Variants in INSL6 observed in about 807,000 individuals in gnomAD.
INSL6 encodes the protein insulin-like peptide INSL6.
In INSL6, 16 loss-of-function variants were observed where a neutral mutation model predicts 9.4. That is an observed-to-expected ratio of 1.70 (90% CI 1.15 to 2.59). INSL6 has a LOEUF of 2.59. INSL6 is among the 30% of genes most tolerant of loss of function. INSL6 has a pLI of 0.00. For missense variants in INSL6, 391 were observed against 257.3 expected, an observed-to-expected ratio of 1.52 and a Z score of -3.56; for synonymous variants, 154 against 96.9, an observed-to-expected ratio of 1.59 and a Z score of -3.46.
At chr9:5,022,079 C>G in the INSL6 span, 3 of 1,613,914 alleles carry the variant, frequency 1.9e-6, no homozygotes, top group Non-Finnish European at 2.5e-6. Context: ...AATGCCAATT[C>G]TATGAAGCAA....
chr9:5,074,643 C>T, the INSL6 span, among the ~76,000 whole-genome samples: 2 of 152,280 alleles, frequency 1.3e-5, no homozygotes, highest in East Asian at 3.9e-4. Context: ...CCTGGGGCCT[C>T]CCTATTCCCT....
chr9:5,160,433 C>T (rs1343246820), downstream of INSL6, among the ~76,000 whole-genome samples: 3 of 151,922 alleles, frequency 2.0e-5, no homozygotes, highest in African/African-American at 7.3e-5. Context: ...AAAACCTATG[C>T]GATACAGGGA....
chr9:5,110,919 C>G, the INSL6 span: 1 of 568,610 alleles, frequency 1.8e-6, no homozygotes, highest in Non-Finnish European at 3.3e-6. Context: ...AGAGAATGAA[C>G]CAGCCGCAGA....
chr9:5,059,151 C>G, the INSL6 span, among the ~76,000 whole-genome samples: 1 of 152,142 alleles, frequency 6.6e-6, no homozygotes, highest in Non-Finnish European at 1.5e-5. Flanking sequence ...ATTTGTACAT[C>G]TTTGTAGCCA....
chr9:5,126,386 T>C (rs763925198), intron 3 of INSL6: 6 of 1,610,988 alleles, frequency 3.7e-6, no homozygotes, highest in Middle Eastern at 3.3e-4. Flanking sequence ...TCGTGTTCCA[T>C]TTGATAGAAC....
the INSL6 span, chr9:5,085,380 T>G: frequency 1.1e-6 from 1 of 900,610 alleles, no homozygotes; most frequent in South Asian, 1.3e-5. Flanking sequence ...CATGCACCAC[T>G]GGGTCGGGGC....
At chr9:5,006,651 C>T in the INSL6 span, among the ~76,000 whole-genome samples, 6 of 152,062 alleles carry the variant, frequency 3.9e-5, no homozygotes, top group Admixed American at 6.5e-5. Flanking sequence ...CAGCAAAGGA[C>T]GACATGCTGC....
At chr9:5,043,588 T>C in the INSL6 span, among the ~76,000 whole-genome samples, 1 of 152,242 alleles carries the variant, frequency 6.6e-6, no homozygotes, top group Admixed American at 6.5e-5. Context: ...TCAGCAATTC[T>C]ACTTCTAGAT....
the INSL6 span, among the ~76,000 whole-genome samples, chr9:5,001,180 G>A: frequency 3.9e-5 from 6 of 152,054 alleles, no homozygotes; most frequent in Admixed American, 2.0e-4. Context: ...CAATCTCTAT[G>A]TCTTTTATTT....
At chr9:5,129,990 G>A (rs1186163366) in intron 3 of INSL6, among the ~76,000 whole-genome samples, 1 of 151,996 alleles carries the variant, frequency 6.6e-6, no homozygotes, top group Non-Finnish European at 1.5e-5. Flanking sequence ...TTGCTTAGTT[G>A]GTGCAAGCTC....
At chr9:5,089,590 A>G in the INSL6 span, 1 of 492,538 alleles carries the variant, frequency 2.0e-6, no homozygotes. Flanking sequence ...TCCAGCTACT[A>G]GAATTTTCTA....
chr9:5,117,395 G>C, the INSL6 span, among the ~76,000 whole-genome samples: 1 of 152,164 alleles, frequency 6.6e-6, no homozygotes, highest in African/African-American at 2.4e-5. Context: ...CTCTACTTTT[G>C]TTATAGAACA....
At chr9:5,164,918 G>C (rs958620845) in intron 1 of INSL6, among the ~76,000 whole-genome samples, 12 of 152,186 alleles carry the variant, frequency 7.9e-5, no homozygotes, top group Non-Finnish European at 1.8e-4. Context: ...ATTATGAATA[G>C]TGCTGATGGC....
At chr9:5,095,007 A>C in the INSL6 span, 3 of 152,106 alleles carry the variant, frequency 2.0e-5, no homozygotes. Context: ...CCAGCATTCC[A>C]CCCCAAACAT....
intron 1 of INSL6, among the ~76,000 whole-genome samples, chr9:5,179,916 G>A (rs1284927210): frequency 1.3e-5 from 2 of 152,172 alleles, no homozygotes; most frequent in Non-Finnish European, 2.9e-5. Flanking sequence ...ATAGGTGATA[G>A]GATGATCTGT....
At chr9:5,086,248 T>C in the INSL6 span, 4 of 553,376 alleles carry the variant, frequency 7.2e-6, no homozygotes, top group Non-Finnish European at 4.7e-6. Flanking sequence ...CGCGGTAGGA[T>C]GGTGGCTCCG....
chr9:5,102,222 G>C, the INSL6 span, among the ~76,000 whole-genome samples: 2 of 152,184 alleles, frequency 1.3e-5, no homozygotes, highest in Non-Finnish European at 2.9e-5. Context: ...GAAAACCATG[G>C]CATGAGAACT....
chr9:5,026,013 T>C, the INSL6 span, among the ~76,000 whole-genome samples: 2 of 152,184 alleles, frequency 1.3e-5, no homozygotes, highest in East Asian at 3.8e-4. Context: ...CTGTGCCTCT[T>C]TTTTTCTTAT....
At chr9:5,016,452 C>A in the INSL6 span, among the ~76,000 whole-genome samples, 1 of 151,708 alleles carries the variant, frequency 6.6e-6, no homozygotes, top group Non-Finnish European at 1.5e-5. Flanking sequence ...AGCCTGCAAA[C>A]CAAATTGCAA....
Sources: allele counts gnomAD v4.1 joint callset (sites outside exome capture counted in the v4.1 genomes callset), GRCh38; gene constraint gnomAD v4.1.1; transcripts MANE v1.5; gene names NCBI Gene and HGNC (gene_info 2026-07-23, HGNC 2026-07-21).